Variants in CCDC171 observed in about 807,000 individuals in gnomAD.
CCDC171 encodes the protein coiled-coil domain-containing protein 171.
In CCDC171, 177 loss-of-function variants were observed where a neutral mutation model predicts 168.2. That is an observed-to-expected ratio of 1.05 (90% CI 0.93 to 1.19). The LOEUF is 1.19. CCDC171 is among the 50% of genes most tolerant of loss of function. The probability of loss-of-function intolerance (pLI) is 0.00; values close to 1 mark genes in which losing one functional copy is unlikely to be tolerated. For missense variants in CCDC171, 1,991 were observed against 1,539.0 expected (o/e 1.29, Z -4.91); for synonymous variants, 687 against 540.8 (o/e 1.27, Z -3.75).
At chr9:15,999,066 A>G (rs550173564) in intron 3 of CCDC171, among the ~76,000 whole-genome samples, 2 of 152,028 alleles carry the variant, frequency 1.3e-5, no homozygotes, top group African/African-American at 4.8e-5. Context: ...TTTTTTTAAC[A>G]AGGGCATAGT....
chr9:15,956,861 T>C (rs1829848415), intron 25 of CCDC171, among the ~76,000 whole-genome samples: 1 of 152,104 alleles, frequency 6.6e-6, no homozygotes, highest in Admixed American at 6.6e-5. Context: ...AGATGCCCCT[T>C]TTTTAATGCC....
chr9:16,010,371 C>T (rs760966997), intron 3 of CCDC171, among the ~76,000 whole-genome samples: 2 of 152,032 alleles, frequency 1.3e-5, no homozygotes, highest in Non-Finnish European at 2.9e-5. Context: ...TCCAGGCTAG[C>T]CAGGATTTTG....
intron 2 of CCDC171, among the ~76,000 whole-genome samples, chr9:15,570,042 C>T (rs545549412): frequency 6.6e-6 from 1 of 152,160 alleles, no homozygotes; most frequent in Non-Finnish European, 1.5e-5. Flanking sequence ...GTGATCTCTG[C>T]TCACTGCAAC....
intron 10 of CCDC171, 135 bp downstream of exon 10, chr9:15,679,031 C>T (rs2049849344): frequency 1.8e-5 from 11 of 608,756 alleles, no homozygotes; most frequent in South Asian, 2.7e-5. Flanking sequence ...ACAAAATTTC[C>T]AAAACTGGAA....
chr9:15,822,808 C>A (rs1355437591), intron 21 of CCDC171, among the ~76,000 whole-genome samples: 1 of 152,120 alleles, frequency 6.6e-6, no homozygotes, highest in Non-Finnish European at 1.5e-5. Flanking sequence ...CTAGAAATGC[C>A]ATTTTACCCA....
intron 7 of CCDC171, 62 bp downstream of exon 7, chr9:15,623,475 G>GTGCGCGCGCGCGCGCACACACACACA (rs1554714958): frequency 3.4e-6 from 1 of 293,710 alleles, no homozygotes; most frequent in African/African-American, 2.4e-5. Flanking sequence ...GCGCGCGCGC[G>GTGCGCGCGCGCGCGCACACACACACA]CACACACACA....
intron 3 of CCDC171, among the ~76,000 whole-genome samples, chr9:15,991,627 C>T (rs1224937039): frequency 6.6e-6 from 1 of 152,034 alleles, no homozygotes; most frequent in Admixed American, 6.5e-5. Context: ...TTCAAAAAAT[C>T]AATGAATCCA....
At chr9:15,855,122 T>G (rs530720554) in intron 23 of CCDC171, among the ~76,000 whole-genome samples, 2 of 151,758 alleles carry the variant, frequency 1.3e-5, no homozygotes, top group Non-Finnish European at 3.0e-5. Flanking sequence ...GTCTTCTAAA[T>G]CCTTGATTGT....
At chr9:16,036,571 G>A (rs1232529816) in intron 8 of CCDC171, among the ~76,000 whole-genome samples, 1 of 152,240 alleles carries the variant, frequency 6.6e-6, no homozygotes, top group Non-Finnish European at 1.5e-5. Context: ...GTGAACCCGG[G>A]AGGTGGAGCT....
chr9:15,666,536 A>G (rs1344348681), intron 9 of CCDC171, among the ~76,000 whole-genome samples: 2 of 152,236 alleles, frequency 1.3e-5, no homozygotes, highest in African/African-American at 4.8e-5. Flanking sequence ...CAAGTAGCCC[A>G]AGAAATTGAG....
intron 7 of CCDC171, among the ~76,000 whole-genome samples, chr9:15,625,832 AG>A (rs2045039911): frequency 6.6e-6 from 1 of 152,156 alleles, no homozygotes; most frequent in South Asian, 2.1e-4. Context: ...AATTTAAAGT[AG>A]TTTTTTTCCA....
At position 15,623,417 on chromosome 9, in the gene CCDC171, C is replaced by T. The variant is rs753646246; in HGVS notation, c.822+4C>T. On this transcript the variant is annotated splice_donor_region_variant and intron_variant, in intron 7 of 25. Transcript: ENST00000380701. ...ACGCCTTAGAAAAGAATTTGAGGTA[C>T]ATTTTCTCATTCCTTTATAATATAT... 1 of 1,568,706 alleles carries T rather than the reference C, an allele frequency of 6.4e-7. No individual in the cohort carries two copies. Among genetic ancestry groups the T allele is most frequent in the Non-Finnish European group, 8.7e-7 (1 of 1,153,382 alleles).
chr9:15,679,108 C>G (rs1335663927), intron 10 of CCDC171, among the ~76,000 whole-genome samples: 1 of 151,616 alleles, frequency 6.6e-6, no homozygotes, highest in Non-Finnish European at 1.5e-5. Flanking sequence ...GGGAAACTAA[C>G]TGAACTAGTA....
intron 3 of CCDC171, among the ~76,000 whole-genome samples, chr9:16,006,581 CT>C (rs1394201793): frequency 3.4e-5 from 5 of 146,418 alleles, no homozygotes; most frequent in African/African-American, 1.2e-4. Context: ...TCCCTCCCCC[CT>C]CCCCTCACCC....
At chr9:16,098,809 T>C in the CCDC171 span, among the ~76,000 whole-genome samples, 1 of 152,172 alleles carries the variant, frequency 6.6e-6, no homozygotes, top group Non-Finnish European at 1.5e-5. Context: ...TAGACTTACA[T>C]GTGTTAGCCA....
At chr9:15,995,665 C>T (rs1832347597) in intron 3 of CCDC171, among the ~76,000 whole-genome samples, 1 of 152,202 alleles carries the variant, frequency 6.6e-6, no homozygotes, top group Non-Finnish European at 1.5e-5. Context: ...TCAGTGATGA[C>T]CTTGACAAAC....
chr9:16,075,921 C>CA, the CCDC171 span, among the ~76,000 whole-genome samples: 1 of 152,296 alleles, frequency 6.6e-6, no homozygotes, highest in East Asian at 1.9e-4. Context: ...AGATAGAGGG[C>CA]ATCCCACCAG....
chr9:15,989,757 T>C (rs959141700), intron 3 of CCDC171, among the ~76,000 whole-genome samples: 1 of 152,072 alleles, frequency 6.6e-6, no homozygotes, highest in Non-Finnish European at 1.5e-5. Flanking sequence ...CTGAAAACCC[T>C]GGCACGAGAA....
At chr9:15,845,360 G>A (rs1161966164) in intron 21 of CCDC171, among the ~76,000 whole-genome samples, 1 of 151,926 alleles carries the variant, frequency 6.6e-6, no homozygotes, top group Non-Finnish European at 1.5e-5. Context: ...GTCATAGTTT[G>A]TTTAATTTTT....
Sources: allele counts gnomAD v4.1 joint callset (sites outside exome capture counted in the v4.1 genomes callset), GRCh38; gene constraint gnomAD v4.1.1; transcripts MANE v1.5; gene names NCBI Gene and HGNC (gene_info 2026-07-23, HGNC 2026-07-21).